The following CD302 variants were observed in gnomAD, a reference collection of about 807,000 sequenced individuals.
CD302 encodes the protein CD302 antigen.
CD302 carries 23 observed loss-of-function variants against 26.5 expected under a neutral mutation model. The ratio of observed to expected loss-of-function variants is 0.87; its 90% CI spans 0.62 to 1.23. The LOEUF is 1.23. Ranked by LOEUF, CD302 falls within the 50% of genes most tolerant of loss-of-function variation. CD302 has a pLI of 0.00. For synonymous variants in CD302, 90 were observed against 99.4 expected (o/e 0.91, Z 0.56); for missense variants, 290 against 275.5 (o/e 1.05, Z -0.37).
At position 159,780,138 on chromosome 2, in the gene CD302, A is replaced by T; in HGVS notation, c.336T>A (p.Phe112Leu). Residue 112 changes from phenylalanine (F) to leucine (L), a missense_variant, in exon 4 of 6, where the codon TTT (phenylalanine) becomes TTA (leucine). By Grantham distance (22) the Phe-to-Leu change is conservative (BLOSUM62 0). Coordinates refer to ENST00000259053, the MANE Select transcript of CD302 (RefSeq NM_014880.5). ...FKWFDNSNMT[F>L]DKWTDQDDDE... ...CATCATCTTGGTCTGTCCACTTATC[A>T]AATGTCATATTTGAATTATCAAACC... 1 of 1,614,064 alleles carries T rather than the reference A, an allele frequency of 6.2e-7. No homozygotes were observed. The highest frequency in any genetic ancestry group is 1.1e-5 in the South Asian group (1 of 91,040).
chr2:159,787,400 T>C (rs67513125), intron 1 of CD302, among the ~76,000 whole-genome samples: 48,396 of 152,044 alleles, frequency 0.32, 9,679 homozygotes, highest in Admixed American at 0.48. Context: ...ATGTTCCTTT[T>C]TTCTCATTTA....
At chr2:159,785,068 AG>A (rs1288369388) in intron 1 of CD302, among the ~76,000 whole-genome samples, 11 of 143,204 alleles carry the variant, frequency 7.7e-5, no homozygotes, top group African/African-American at 2.4e-4. Context: ...TCCGCCTCCC[AG>A]GCTCAAGTGA....
intron 1 of CD302, among the ~76,000 whole-genome samples, chr2:159,796,500 A>G (rs1374915870): frequency 6.6e-6 from 1 of 152,224 alleles, no homozygotes; most frequent in African/African-American, 2.4e-5. Context: ...AATGCTCCCA[A>G]TAGCCCCATG....
At chr2:159,785,402 G>T (rs1276484234) in intron 1 of CD302, among the ~76,000 whole-genome samples, 1 of 152,152 alleles carries the variant, frequency 6.6e-6, no homozygotes, top group African/African-American at 2.4e-5. Context: ...CTGGCTTAAA[G>T]ATACGGTTGT....
chr2:159,795,194 G>A (rs1412377201), intron 1 of CD302, among the ~76,000 whole-genome samples: 1 of 151,058 alleles, frequency 6.6e-6, no homozygotes, highest in East Asian at 2.0e-4. Flanking sequence ...CCGCACTCCA[G>A]CCTGGGTGAC....
chr2:159,775,999 C>T (rs933645803), intron 5 of CD302, among the ~76,000 whole-genome samples: 1 of 71,108 alleles, frequency 1.4e-5, no homozygotes, highest in East Asian at 4.2e-4. Flanking sequence ...CAGCCTCTGC[C>T]TCCGGGTTTC....
Position 159,783,426 on chromosome 2 carries a change from G to A in CD302, c.111C>T (p.Tyr37=). The change falls in exon 2 of 6, where the codon TAC becomes TAT. Residue 37 remains tyrosine, a synonymous_variant. Coordinates refer to ENST00000259053, the MANE Select transcript of CD302 (RefSeq NM_014880.5). Reference sequence around the variant, plus strand: ...CTTTGATGGCTTCTTGGAGAAAAATGTAACAACTGTCTTGGAACTGAATCC... The same window carrying A: ...CTTTGATGGCTTCTTGGAGAAAAATATAACAACTGTCTTGGAACTGAATCC... The part of the protein sequence containing the change: ...STWIQFQDSC[Y]IFLQEAIKVE... 6.2e-7 allele frequency: 1 copy of A among 1,612,876 alleles called. No homozygotes were observed. Among genetic ancestry groups the A allele is most frequent in the Non-Finnish European group, 8.5e-7 (1 of 1,179,654 alleles).
chr2:159,772,750 T>C (rs2884206), intron 5 of CD302, among the ~76,000 whole-genome samples: 48,622 of 152,120 alleles, frequency 0.32, 9,754 homozygotes, highest in Admixed American at 0.48. Flanking sequence ...TTTGACAGAT[T>C]TTTTATTATT....
intron 1 of CD302, among the ~76,000 whole-genome samples, chr2:159,785,424 C>T (rs575181969): frequency 6.6e-6 from 1 of 152,250 alleles, no homozygotes; most frequent in African/African-American, 2.4e-5. Flanking sequence ...TTGCAACAAG[C>T]AGTTTGCTTT....
chr2:159,781,043 CAG>C (rs1162440912), intron 2 of CD302, 45 bp from the exon 3 acceptor site: 1 of 1,476,382 alleles, frequency 6.8e-7, no homozygotes, highest in Non-Finnish European at 9.3e-7. Context: ...ATTCCAGAAT[CAG>C]TGAAAATCAC....
chr2:159,774,155 C>T (rs899294934), intron 5 of CD302, among the ~76,000 whole-genome samples: 2 of 152,038 alleles, frequency 1.3e-5, no homozygotes, highest in Non-Finnish European at 2.9e-5. Context: ...ATTTTTCAGA[C>T]GACTGCTTCC....
chr2:159,778,429 T>A (rs1574489682), intron 4 of CD302, among the ~76,000 whole-genome samples: 2 of 152,324 alleles, frequency 1.3e-5, no homozygotes, highest in East Asian at 1.9e-4. Context: ...ACCAATTTTT[T>A]AAAAAACAAA....
intron 5 of CD302, among the ~76,000 whole-genome samples, chr2:159,773,839 T>C (rs1335487846): frequency 6.7e-6 from 1 of 150,252 alleles, no homozygotes; most frequent in East Asian, 1.9e-4. Context: ...ATATAATAGC[T>C]ATTTACCATG....
At chr2:159,797,231 G>A (rs1162609178) in intron 1 of CD302, among the ~76,000 whole-genome samples, 4 of 120,422 alleles carry the variant, frequency 3.3e-5, no homozygotes, top group Non-Finnish European at 5.2e-5. Context: ...GTGGGGGGGG[G>A]GAATCTCTTG....
chr2:159,771,023 T>G lies in CD302; in HGVS notation c.*828A>C, dbSNP rs2125787588. 6.6e-6 allele frequency: 1 copy of G among 152,314 alleles called. No individual in the cohort carries two copies. The highest frequency in any genetic ancestry group is 1.5e-5 in the Non-Finnish European group (1 of 68,006). The allele number at this position is 152,314 out of a possible 1,614,324, so 9.4% of individuals were successfully genotyped here. ...TAAATGCACTGAAAACTTTGATCACTGTCACTACAGTTGTACTTAAGTGTT... is the reference window on the plus strand; with the variant it reads ...TAAATGCACTGAAAACTTTGATCACGGTCACTACAGTTGTACTTAAGTGTT... On this transcript the variant is annotated 3_prime_UTR_variant, in exon 6 of 6. Coordinates refer to ENST00000259053, the MANE Select transcript of CD302 (RefSeq NM_014880.5).
chr2:159,770,018 A>T lies in CD302; in HGVS notation c.*1833T>A, dbSNP rs1708084396. The T allele has an allele frequency of 6.6e-6, 1 of 152,146 alleles. No individual in the cohort carries two copies. The highest frequency in any genetic ancestry group is 1.5e-5 in the Non-Finnish European group (1 of 68,006). The allele number at this position is 152,146 out of a possible 1,614,324, so 9.4% of individuals were successfully genotyped here. ...GGCTCATTGGACATTGTAGTTGTAG[A>T]CGTTTGAGACTGTTGGTTTTAAGTT... On this transcript the variant is annotated 3_prime_UTR_variant, in exon 6 of 6. Transcript: ENST00000259053.
intron 2 of CD302, 105 bp downstream of exon 2, chr2:159,783,254 G>A: frequency 1.2e-6 from 1 of 864,256 alleles, no homozygotes; most frequent in East Asian, 2.8e-5. Context: ...TTAAATCTCA[G>A]GACCCAGTTA....
chr2:159,794,308 A>T (rs527757123), intron 1 of CD302, among the ~76,000 whole-genome samples: 48 of 139,462 alleles, frequency 3.4e-4, no homozygotes, highest in African/African-American at 1.0e-3. Flanking sequence ...AAAATAATAA[A>T]AAAAAAAACA....
rs2125788269 is a variant in CD302, at chr2:159,771,434, A to AAAG, written c.*414_*416dup. The AAAG allele has an allele frequency of 6.5e-6, 1 of 154,020 alleles. No homozygotes were observed. The highest frequency in any genetic ancestry group is 6.4e-5 in the Admixed American group (1 of 15,520). The allele number at this position is 154,020 out of a possible 1,614,324, so 9.5% of individuals were successfully genotyped here. ...ATCTGCCAAAAAAATAACAATTATC[A>AAAG]AAGATATTTAAATGTATGGGATGTA... is the stretch of plus-strand genomic sequence containing the variant. On this transcript the variant is annotated 3_prime_UTR_variant, in exon 6 of 6. Transcript: ENST00000259053.
Sources: gnomAD v4.1 joint callset for allele counts (sites outside exome capture counted in the v4.1 genomes callset) on GRCh38, gnomAD v4.1.1 for gene constraint, MANE v1.5 for transcripts, NCBI Gene and HGNC (gene_info 2026-07-23, HGNC 2026-07-21) for gene names.